THADA: variants seen among roughly 807,000 people sequenced by gnomAD.
THADA encodes THADA armadillo repeat containing.
A neutral mutation model predicts 219.8 loss-of-function variants in THADA; 213 were observed. That is an observed-to-expected ratio of 0.97 (90% CI 0.87 to 1.09). The LOEUF is 1.09. THADA is among the 50% of genes least tolerant of loss of function. The pLI is 0.00. For missense variants in THADA, 2,956 were observed against 2,311.3 expected, an observed-to-expected ratio of 1.28 and a Z score of -5.72; for synonymous variants, 1,018 against 828.9, an observed-to-expected ratio of 1.23 and a Z score of -3.92.
chr2:43,496,416 C>T (rs909359423), intron 25 of THADA, among the ~76,000 whole-genome samples: 3 of 152,120 alleles, frequency 2.0e-5, no homozygotes, highest in African/African-American at 4.8e-5. Flanking sequence ...AAAGAAAATG[C>T]GACTCAGTAT....
At position 43,485,217 on chromosome 2, in the gene THADA, C is replaced by T; in HGVS notation, c.3836+17G>A. 1 of 1,583,266 alleles carries T rather than the reference C, an allele frequency of 6.3e-7. No individual in the cohort carries two copies. The highest frequency in any genetic ancestry group is 2.2e-5 in the East Asian group (1 of 44,630). ...TATTTTTTAAAAAAAGTAAAGTTAG[C>T]CTTAAATGGAGCTTACCTATTTGTT... On this transcript the variant is annotated intron_variant, in intron 26 of 37. Transcript: ENST00000405975.
chr2:43,494,842 G>C (rs576691781), intron 25 of THADA, among the ~76,000 whole-genome samples: 4 of 152,270 alleles, frequency 2.6e-5, no homozygotes, highest in South Asian at 2.1e-4. Context: ...CAAAGTTTGA[G>C]AGATCTGTAT....
At chr2:43,332,478 T>C (rs1665903040) in intron 30 of THADA, among the ~76,000 whole-genome samples, 1 of 152,234 alleles carries the variant, frequency 6.6e-6, no homozygotes, top group South Asian at 2.1e-4. Context: ...TTATCGTTCA[T>C]TCATATATTT....
At chr2:43,530,040 C>A (rs1693665650) in intron 21 of THADA, among the ~76,000 whole-genome samples, 1 of 152,042 alleles carries the variant, frequency 6.6e-6, no homozygotes. Flanking sequence ...AAGACGTAAT[C>A]CACACTCAAA....
intron 26 of THADA, among the ~76,000 whole-genome samples, chr2:43,465,825 T>C (rs886486760): frequency 2.6e-5 from 4 of 152,268 alleles, no homozygotes; most frequent in African/African-American, 4.8e-5. Context: ...GGATCTGCCA[T>C]TGGATGTCCC....
intron 36 of THADA, among the ~76,000 whole-genome samples, chr2:43,273,573 C>T (rs1672377778): frequency 6.6e-6 from 1 of 152,146 alleles, no homozygotes; most frequent in African/African-American, 2.4e-5. Context: ...TTGCAGAGCC[C>T]TTCTAGTGCC....
chr2:43,277,161 C>T (rs951226575), intron 36 of THADA: 1 of 152,484 alleles, frequency 6.6e-6, no homozygotes, highest in Admixed American at 6.5e-5. Context: ...TCTCCGGTAA[C>T]ATCAGTCTCC....
intron 35 of THADA, among the ~76,000 whole-genome samples, chr2:43,285,496 C>A (rs1673883357): frequency 6.6e-6 from 1 of 151,876 alleles, no homozygotes; most frequent in African/African-American, 2.4e-5. Flanking sequence ...CCCAGCCATG[C>A]TTCCTGTTAA....
At chr2:43,487,834 C>G (rs1246618535) in intron 25 of THADA, among the ~76,000 whole-genome samples, 1 of 152,148 alleles carries the variant, frequency 6.6e-6, no homozygotes, top group Non-Finnish European at 1.5e-5. Context: ...ACTTTCCAGC[C>G]TCCAAACTGT....
At chr2:43,288,970 C>A (rs1037061376) in intron 34 of THADA, among the ~76,000 whole-genome samples, 11 of 152,204 alleles carry the variant, frequency 7.2e-5, no homozygotes, top group African/African-American at 2.7e-4. Context: ...ATCTCCCCAG[C>A]CCTGACTAAG....
intron 28 of THADA, among the ~76,000 whole-genome samples, chr2:43,409,953 G>C (rs1676070414): frequency 6.6e-6 from 1 of 151,726 alleles, no homozygotes; most frequent in Non-Finnish European, 1.5e-5. Flanking sequence ...GGAGGTTGAG[G>C]CTACAGTGAG....
chr2:43,536,611 T>C (rs1459657835), intron 21 of THADA, among the ~76,000 whole-genome samples: 1 of 152,116 alleles, frequency 6.6e-6, no homozygotes, highest in Non-Finnish European at 1.5e-5. Context: ...AGGGTATAAA[T>C]TTCCACAGGG....
chr2:43,244,873 C>T (rs1668972336), intron 36 of THADA, among the ~76,000 whole-genome samples: 1 of 152,186 alleles, frequency 6.6e-6, no homozygotes, highest in African/African-American at 2.4e-5. Flanking sequence ...TCTGCATGGC[C>T]ACTCACCCCA....
intron 29 of THADA, among the ~76,000 whole-genome samples, chr2:43,364,275 G>C (rs1669870622): frequency 1.3e-5 from 2 of 152,034 alleles, no homozygotes. Flanking sequence ...AGCTGTTTAG[G>C]TAATATGACA....
chr2:43,522,450 C>T (rs1692619383), intron 22 of THADA, among the ~76,000 whole-genome samples: 1 of 152,100 alleles, frequency 6.6e-6, no homozygotes, highest in South Asian at 2.1e-4. Flanking sequence ...GGACAAGATA[C>T]AGTGGATTAA....
chr2:43,344,371 T>C, intron 29 of THADA, 134 bp from the exon 30 acceptor site: 1 of 613,042 alleles, frequency 1.6e-6, no homozygotes, highest in Admixed American at 3.0e-5. Flanking sequence ...CTCTGGTCTC[T>C]TTGCAGAAAG....
chr2:43,507,761 G>C (rs943556200), intron 23 of THADA, among the ~76,000 whole-genome samples: 1 of 152,114 alleles, frequency 6.6e-6, no homozygotes, highest in African/African-American at 2.4e-5. Flanking sequence ...ATTAACCAAA[G>C]GTCTTTCAGG....
intron 28 of THADA, among the ~76,000 whole-genome samples, chr2:43,416,888 CA>C (rs752439800): frequency 6.6e-6 from 1 of 152,166 alleles, no homozygotes; most frequent in Non-Finnish European, 1.5e-5. Flanking sequence ...TCTTAAGTAA[CA>C]AAACCTTCCT....
rs575600287 is a variant in THADA, at chr2:43,467,107, G to A, written c.3836+18127C>T. Among the ~76,000 whole-genome samples, 1,052 of 147,542 alleles carry A rather than the reference G, an allele frequency of 7.1e-3. 12 individuals are homozygous for A. Among genetic ancestry groups the A allele is most frequent in the African/African-American group, 0.025 (984 of 39,556 alleles). ...TGAGGCAGGAGAATGGCGTGAACCC[G>A]GGAGGCGGAGCTTGCAGTGAGCCGA... On this transcript the variant is annotated intron_variant, in intron 26 of 37. Coordinates refer to ENST00000405975, the MANE Select transcript of THADA (RefSeq NM_022065.5).
Sources: gnomAD v4.1 joint callset for allele counts (sites outside exome capture counted in the v4.1 genomes callset) on GRCh38, gnomAD v4.1.1 for gene constraint, MANE v1.5 for transcripts, NCBI Gene and HGNC (gene_info 2026-07-23, HGNC 2026-07-21) for gene names.